DENND5A: variants seen among roughly 807,000 people sequenced by gnomAD.
The protein encoded by DENND5A is DENN domain-containing protein 5A.
DENND5A carries 64 observed loss-of-function variants against 140.3 expected under a neutral mutation model. That is an observed-to-expected ratio of 0.46 (90% confidence interval 0.37 to 0.56). The LOEUF (loss-of-function observed/expected upper bound fraction) is 0.56. Ranked by LOEUF, DENND5A falls within the 20% of genes least tolerant of loss-of-function variation. The pLI is 0.00. For missense variants in DENND5A, 1,292 were observed against 1,593.8 expected, an observed-to-expected ratio of 0.81 and a Z score of 3.22; for synonymous variants, 605 against 607.7, an observed-to-expected ratio of 1.00 and a Z score of 0.07.
chr11:9,177,277 G>GAAAAAAA (rs796879381), intron 8 of DENND5A, among the ~76,000 whole-genome samples: 1 of 129,988 alleles, frequency 7.7e-6, no homozygotes, highest in Non-Finnish European at 1.7e-5. Flanking sequence ...AAGAAAGAAA[G>GAAAAAAA]AAAAAAAAAA....
At chr11:9,216,607 T>G (rs1417453987) in intron 1 of DENND5A, among the ~76,000 whole-genome samples, 1 of 152,206 alleles carries the variant, frequency 6.6e-6, no homozygotes, top group Non-Finnish European at 1.5e-5. Flanking sequence ...ACAGGAGGAC[T>G]AACCGAAAGC....
intron 1 of DENND5A, among the ~76,000 whole-genome samples, chr11:9,227,147 A>G (rs1465875047): frequency 6.6e-6 from 1 of 151,836 alleles, no homozygotes; most frequent in African/African-American, 2.4e-5. Flanking sequence ...CAGCCTGGGC[A>G]ACAAGAGTGA....
At chr11:9,207,692 G>T in intron 1 of DENND5A, 60 bp from the exon 2 acceptor site, 2 of 1,193,512 alleles carry the variant, frequency 1.7e-6, no homozygotes, top group Non-Finnish European at 1.2e-6. Flanking sequence ...AAACTTTTTT[G>T]ACCATTATTC....
At chr11:9,249,530 A>AT (rs1014973276) in intron 1 of DENND5A, among the ~76,000 whole-genome samples, 3 of 151,634 alleles carry the variant, frequency 2.0e-5, no homozygotes, top group Non-Finnish European at 4.4e-5. Context: ...TCATTTTTAT[A>AT]TTTTTTTATT....
intron 1 of DENND5A, among the ~76,000 whole-genome samples, chr11:9,261,525 C>T (rs1316431842): frequency 6.6e-6 from 1 of 152,026 alleles, no homozygotes; most frequent in African/African-American, 2.4e-5. Context: ...CGCCTGTAAT[C>T]CTAGCATTTT....
intron 1 of DENND5A, among the ~76,000 whole-genome samples, chr11:9,252,337 C>A (rs868375081): frequency 6.7e-6 from 1 of 149,826 alleles, no homozygotes; most frequent in African/African-American, 2.5e-5. Context: ...AAAATCTGGC[C>A]GTAATAGCCT....
intron 8 of DENND5A, chr11:9,171,827 C>T (rs145156466): frequency 0.011 from 1,656 of 152,148 alleles, 19 homozygotes; most frequent in Non-Finnish European, 0.015. Context: ...TACACTACCG[C>T]ACTCCAGCCT....
chr11:9,147,591 TG>T (rs1847475785), intron 15 of DENND5A, among the ~76,000 whole-genome samples: 1 of 152,100 alleles, frequency 6.6e-6, no homozygotes, highest in African/African-American at 2.4e-5. Flanking sequence ...TGAGTAGATC[TG>T]AGAGCCACAA....
At chr11:9,232,498 C>G (rs1850814702) in intron 1 of DENND5A, among the ~76,000 whole-genome samples, 1 of 152,026 alleles carries the variant, frequency 6.6e-6, no homozygotes, top group Non-Finnish European at 1.5e-5. Context: ...CATTAGTCAT[C>G]CAGAAAATTC....
chr11:9,263,798 C>A (rs1156865061), intron 1 of DENND5A, among the ~76,000 whole-genome samples: 5 of 136,718 alleles, frequency 3.7e-5, no homozygotes, highest in Non-Finnish European at 7.7e-5. Flanking sequence ...GCCGAGATTG[C>A]GCCACTGCAG....
chr11:9,263,848 CAAAAAAAAAAAAAAA>C (rs57967676), intron 1 of DENND5A, among the ~76,000 whole-genome samples: 1 of 65,076 alleles, frequency 1.5e-5, no homozygotes, highest in East Asian at 4.5e-4. Context: ...GACTCCGTCT[CAAAAAAAAAAAAAAA>C]AAAAAAAAGA....
At chr11:9,202,950 C>G (rs1393179855) in intron 4 of DENND5A, among the ~76,000 whole-genome samples, 1 of 152,148 alleles carries the variant, frequency 6.6e-6, no homozygotes, top group African/African-American at 2.4e-5. Flanking sequence ...ACCTTACAAA[C>G]TACATATTTT....
intron 9 of DENND5A, 75 bp downstream of exon 9, chr11:9,170,552 C>A: frequency 6.5e-7 from 1 of 1,548,202 alleles, no homozygotes; most frequent in Non-Finnish European, 8.9e-7. Flanking sequence ...CTAGGGGTAA[C>A]AGCCCTAGCC....
Position 9,139,354 on chromosome 11 carries a change from G to GTGCC in DENND5A, c.*313_*316dup. The GTGCC allele has an allele frequency of 3.1e-6, 1 of 327,336 alleles. No homozygotes were observed. The highest frequency in any genetic ancestry group is 5.7e-6 in the Non-Finnish European group (1 of 175,754). 20.3% of individuals were successfully genotyped at this position (327,336 alleles called of 1,614,324 possible). ...AGGAAACATAACTGTCCCGCACGCAGTGCCACAGGCTCAGTCCAGGGAGGC... is the reference window on the plus strand; with the variant it reads ...AGGAAACATAACTGTCCCGCACGCAGTGCCTGCCACAGGCTCAGTCCAGGGAGGC... On this transcript the variant is annotated 3_prime_UTR_variant, in exon 23 of 23. Coordinates refer to ENST00000328194, the MANE Select transcript of DENND5A (RefSeq NM_015213.4).
chr11:9,176,844 A>T (rs1446141084), intron 8 of DENND5A: 1 of 456,100 alleles, frequency 2.2e-6, no homozygotes, highest in South Asian at 1.5e-5. Flanking sequence ...TACCCAGTTC[A>T]ATGTTCACTT....
chr11:9,193,198 G>C (rs935482386), intron 5 of DENND5A, among the ~76,000 whole-genome samples: 3 of 152,190 alleles, frequency 2.0e-5, no homozygotes, highest in African/African-American at 4.8e-5. Flanking sequence ...ACTGCACCCA[G>C]CCTGGGTAAC....
chr11:9,198,909 A>G (rs987136104), intron 4 of DENND5A, among the ~76,000 whole-genome samples: 2 of 149,446 alleles, frequency 1.3e-5, no homozygotes, highest in Non-Finnish European at 3.0e-5. Context: ...CATCTCTACT[A>G]AAAATACAAA....
chr11:9,232,679 G>A (rs1850822520), intron 1 of DENND5A, among the ~76,000 whole-genome samples: 1 of 152,094 alleles, frequency 6.6e-6, no homozygotes. Context: ...TACTAAAGCT[G>A]AACATGCGTA....
intron 1 of DENND5A, among the ~76,000 whole-genome samples, chr11:9,210,122 G>GA (rs1161344725): frequency 6.6e-6 from 1 of 151,802 alleles, no homozygotes; most frequent in Admixed American, 6.6e-5. Flanking sequence ...AAAAAGAGAA[G>GA]AAACAGTAGG....
Sources: allele counts gnomAD v4.1 joint callset (sites outside exome capture counted in the v4.1 genomes callset), GRCh38; gene constraint gnomAD v4.1.1; transcripts MANE v1.5; gene names NCBI Gene and HGNC (gene_info 2026-07-23, HGNC 2026-07-21).